Variants in UNC93A observed in about 807,000 individuals in gnomAD.
UNC93A encodes unc-93 homolog A.
A neutral mutation model predicts 47.5 loss-of-function variants in UNC93A; 43 were observed. That is an observed-to-expected ratio of 0.91 (90% CI 0.71 to 1.17). The LOEUF is 1.17. UNC93A is among the 50% of genes most tolerant of loss of function. The probability of loss-of-function intolerance (pLI) is 0.00; values close to 1 mark genes in which losing one functional copy is unlikely to be tolerated. For synonymous variants in UNC93A, 280 were observed against 258.0 expected, an observed-to-expected ratio of 1.09 and a Z score of -0.82; for missense variants, 605 against 577.6, an observed-to-expected ratio of 1.05 and a Z score of -0.49.
intron 1 of UNC93A, among the ~76,000 whole-genome samples, chr6:167,284,669 A>C (rs1014830723): frequency 3.9e-5 from 6 of 152,296 alleles, no homozygotes; most frequent in African/African-American, 1.4e-4. Context: ...GGTAAGAAAA[A>C]CACAGGATAT....
chr6:167,273,623 C>T (rs540535612), intron 1 of UNC93A, among the ~76,000 whole-genome samples: 2 of 152,160 alleles, frequency 1.3e-5, no homozygotes, highest in Non-Finnish European at 2.9e-5. Flanking sequence ...TCAGGAGACC[C>T]GGAGAACGTG....
Position 167,296,255 on chromosome 6 carries a change from A to T in UNC93A, c.493A>T (p.Ser165Cys). ...ATCGCTGGTATTTGGCCAGACTCCC[A>T]GCCAAGGTAAAAGGAAAAGGGGCAA... ...ISSLVFGQTP[S>C]QETLPEEQLT... The change falls in exon 3 of 8, where the codon AGC (serine) becomes TGC (cysteine). Residue 165 changes from serine to cysteine, a missense_variant. Coordinates refer to ENST00000230256, the MANE Select transcript of UNC93A (RefSeq NM_018974.4). 6.2e-7 allele frequency: 1 copy of T among 1,614,192 alleles called. No individual in the cohort carries two copies. The highest frequency in any genetic ancestry group is 1.7e-5 in the Admixed American group (1 of 60,028).
At chr6:167,282,362 A>T (rs139708024) in intron 1 of UNC93A, among the ~76,000 whole-genome samples, 1 of 152,044 alleles carries the variant, frequency 6.6e-6, no homozygotes, top group South Asian at 2.1e-4. Context: ...GTCAAGAGAA[A>T]GTGTGCATAG....
At chr6:167,292,227 G>C (rs1451191712) in intron 1 of UNC93A, among the ~76,000 whole-genome samples, 1 of 152,132 alleles carries the variant, frequency 6.6e-6, no homozygotes, top group Admixed American at 6.5e-5. Context: ...GGAATTCCAA[G>C]GGCTGGTCAG....
At chr6:167,300,108 G>A (rs761811319) in intron 4 of UNC93A, among the ~76,000 whole-genome samples, 16 of 152,086 alleles carry the variant, frequency 1.1e-4, no homozygotes, top group Admixed American at 2.6e-4. Context: ...AGCTCAGGCC[G>A]GGAACACCTG....
At chr6:167,313,332 G>A (rs1778607615) in intron 7 of UNC93A, among the ~76,000 whole-genome samples, 1 of 150,434 alleles carries the variant, frequency 6.6e-6, no homozygotes, top group African/African-American at 2.5e-5. Flanking sequence ...ACTAGGTCCA[G>A]ATTTTGGAAC....
rs548867500 is a variant in UNC93A, at chr6:167,305,835, T to C, written c.841-80T>C. The stretch of plus-strand genomic sequence containing the variant: ...GCTGGCCATCTCAGAGCAGATGTTC[T>C]AAGCACCCGACTGCAGCTTTAGCTT... On this transcript the variant is annotated intron_variant, in intron 5 of 7. Coordinates refer to ENST00000230256, the MANE Select transcript of UNC93A (RefSeq NM_018974.4). 36 of 1,597,650 alleles carry C rather than the reference T, an allele frequency of 2.3e-5. No individual in the cohort carries two copies. In the African/African-American group the frequency reaches 4.8e-4, roughly 21 times the overall value.
At chr6:167,271,254 G>A (rs1783447020) in exon 1 of UNC93A, 1 of 152,414 alleles carries the variant, frequency 6.6e-6, no homozygotes, top group South Asian at 2.1e-4. Context: ...TAGGCAGCAA[G>A]GGAGGGAATT....
chr6:167,285,968 A>G (rs944686786), intron 1 of UNC93A, among the ~76,000 whole-genome samples: 15 of 135,502 alleles, frequency 1.1e-4, no homozygotes, highest in African/African-American at 2.9e-4. Context: ...CTCTATATAT[A>G]TATATATATA....
Position 167,291,367 on chromosome 6 carries a change from G to T in UNC93A, c.-123G>T. The stretch of plus-strand genomic sequence containing the variant: ...ACACACCTCTAACATTTCACCTCTA[G>T]CTCAGATGAGAGAGAGAATGGGACT... On this transcript the variant is annotated 5_prime_UTR_variant, in exon 1 of 8. An upstream open reading frame in the 5' UTR loses its in-frame stop. Transcript: ENST00000230256. 1 of 754,968 alleles carries T rather than the reference G, an allele frequency of 1.3e-6. No individual in the cohort carries two copies. The highest frequency in any genetic ancestry group is 2.1e-6 in the Non-Finnish European group (1 of 466,882). The allele number at this position is 754,968 out of a possible 1,614,324, so 46.8% of individuals were successfully genotyped here.
At chr6:167,308,636 C>T (rs111348525) in intron 7 of UNC93A, among the ~76,000 whole-genome samples, 1,982 of 147,148 alleles carry the variant, frequency 0.013, 50 homozygotes, top group African/African-American at 0.047. Flanking sequence ...CCTAAGAAGG[C>T]GGCCTGGGGG....
rs60853250 is a variant in UNC93A at position 167,299,131 on chromosome 6, T to TACAC, written c.625+1079_625+1082dup. On this transcript the variant is annotated intron_variant, in intron 4 of 7. Coordinates refer to ENST00000230256, the MANE Select transcript of UNC93A (RefSeq NM_018974.4). The stretch of plus-strand genomic sequence containing the variant: ...AGACTCCATCTCAAAAAAAAAAAAA[T>TACAC]ACACACACACACACACACACATATT... Among the ~76,000 whole-genome samples the TACAC allele has an allele frequency of 1.5e-4, 21 of 136,404 alleles. No individual in the cohort carries two copies. The East Asian group carries it at 2.1e-3, about 14-fold the overall frequency. The allele number at this position is 136,404 out of a possible 152,430, so 89.5% of individuals were successfully genotyped here.
chr6:167,301,397 C>A (rs1583082761), intron 4 of UNC93A, among the ~76,000 whole-genome samples: 1 of 152,300 alleles, frequency 6.6e-6, no homozygotes, highest in East Asian at 1.9e-4. Flanking sequence ...GTGTCCTTTT[C>A]TATAAAGCAA....
upstream of UNC93A, among the ~76,000 whole-genome samples, chr6:167,287,542 C>T (rs1394919250): frequency 6.6e-6 from 1 of 152,120 alleles, no homozygotes; most frequent in Non-Finnish European, 1.5e-5. Context: ...CAGTGTGGTA[C>T]CCCAGTACAT....
At chr6:167,286,351 G>A (rs1783732322), upstream of UNC93A, among the ~76,000 whole-genome samples, 1 of 152,230 alleles carries the variant, frequency 6.6e-6, no homozygotes, top group Non-Finnish European at 1.5e-5. Context: ...GGAAGAAGCG[G>A]CACAGTGGCT....
At chr6:167,293,879 G>C (rs945731907) in intron 1 of UNC93A, among the ~76,000 whole-genome samples, 1 of 152,184 alleles carries the variant, frequency 6.6e-6, no homozygotes, top group African/African-American at 2.4e-5. Context: ...CCCTGCCCTG[G>C]AGCTGAGGTC....
chr6:167,295,963 C>T lies in UNC93A; in HGVS notation c.270-69C>T, dbSNP rs73790202. ...TCCTTCTCCCAGATTGACTAAAGAACTGCAGGGACATGGGTGCAATGGGCT... is the reference window on the plus strand; with the variant it reads ...TCCTTCTCCCAGATTGACTAAAGAATTGCAGGGACATGGGTGCAATGGGCT... On this transcript the variant is annotated intron_variant, in intron 2 of 7. Transcript: ENST00000230256. The T allele has an allele frequency of 8.2e-3, 11,930 of 1,448,896 alleles. 804 individuals carry two copies. In the African/African-American group the frequency reaches 0.15, roughly 18 times the overall value. The allele number at this position is 1,448,896 out of a possible 1,614,324, so 89.8% of individuals were successfully genotyped here.
chr6:167,288,449 TACACACACAC>T (rs10586281), upstream of UNC93A, among the ~76,000 whole-genome samples: 29,885 of 134,706 alleles, frequency 0.22, 3,066 homozygotes, highest in African/African-American at 0.28. Flanking sequence ...TGTTCTTCCT[TACACACACAC>T]ACACACACAC....
chr6:167,289,282 C>A (rs1418499433), upstream of UNC93A, among the ~76,000 whole-genome samples: 2 of 150,246 alleles, frequency 1.3e-5, no homozygotes, highest in Non-Finnish European at 1.5e-5. Flanking sequence ...CACTGGGGGA[C>A]CATGTCTAAG....
Sources: allele counts gnomAD v4.1 joint callset (sites outside exome capture counted in the v4.1 genomes callset), GRCh38; gene constraint gnomAD v4.1.1; transcripts MANE v1.5; gene names NCBI Gene and HGNC (gene_info 2026-07-23, HGNC 2026-07-21).